IGSF10: variants seen among roughly 807,000 people sequenced by gnomAD.
The protein encoded by IGSF10 is calvaria mechanical force protein 608.
Under a neutral mutation model 128.2 loss-of-function variants are expected in IGSF10, and 126 were observed. That is an observed-to-expected ratio of 0.98 (90% CI 0.85 to 1.14). The LOEUF (loss-of-function observed/expected upper bound fraction) is 1.14, where lower values mean the gene tolerates loss of function less well. Among genes scored for constraint, IGSF10 ranks in the 50% most tolerant of loss-of-function variants. IGSF10 has a pLI of 0.00. For missense variants in IGSF10, 3,295 were observed against 3,149.8 expected, an observed-to-expected ratio of 1.05 and a Z score of -1.10; for synonymous variants, 1,185 against 1,146.2, an observed-to-expected ratio of 1.03 and a Z score of -0.68.
the IGSF10 span, among the ~76,000 whole-genome samples, chr3:151,514,908 C>G: frequency 6.6e-6 from 1 of 152,148 alleles, no homozygotes; most frequent in African/African-American, 2.4e-5. Context: ...CAAATCAAAA[C>G]CACAATGAGA....
chr3:151,537,729 T>A, the IGSF10 span, among the ~76,000 whole-genome samples: 2 of 152,238 alleles, frequency 1.3e-5, no homozygotes, highest in South Asian at 4.1e-4. Flanking sequence ...TTAAAAAAAA[T>A]AATAATCTCT....
chr3:151,440,866 A>G (rs754589296), intron 7 of IGSF10: 1 of 262,240 alleles, frequency 3.8e-6, no homozygotes, highest in African/African-American at 2.2e-5. Flanking sequence ...CATCAGCTGC[A>G]TTAGAATTAC....
At chr3:151,444,554 C>T (rs1489247657) in intron 6 of IGSF10, among the ~76,000 whole-genome samples, 1 of 152,172 alleles carries the variant, frequency 6.6e-6, no homozygotes, top group Non-Finnish European at 1.5e-5. Context: ...AGGTAATCCA[C>T]CCACCTTGGC....
At position 151,447,915 on chromosome 3, in the gene IGSF10, T is replaced by C. The variant is rs1327613051; in HGVS notation, c.2066A>G (p.His689Arg). 1 of 1,614,144 alleles carries C rather than the reference T, an allele frequency of 6.2e-7. No individual in the cohort carries two copies. Among genetic ancestry groups the C allele is most frequent in the South Asian group, 1.1e-5 (1 of 91,074 alleles). ...TTGTGCACCTGGTGGCTCCTTAAGA[T>C]GAGCAATAGGATTGGACTCATCAAG... ...SGLDESNPIAHLKEPPGAQLR... is the reference protein window; with the variant it reads ...SGLDESNPIARLKEPPGAQLR... Residue 689 changes from histidine to arginine, a missense_variant, in exon 6 of 8, where the codon CAT (histidine) becomes CGT (arginine). Coordinates refer to ENST00000282466, the MANE Select transcript of IGSF10 (RefSeq NM_178822.5).
chr3:151,520,864 A>G, the IGSF10 span, among the ~76,000 whole-genome samples: 1 of 151,944 alleles, frequency 6.6e-6, no homozygotes, highest in Non-Finnish European at 1.5e-5. Context: ...ACAGAATCAA[A>G]TCCACACATA....
the IGSF10 span, among the ~76,000 whole-genome samples, chr3:151,549,367 C>A: frequency 2.0e-5 from 3 of 152,168 alleles, no homozygotes; most frequent in Non-Finnish European, 4.4e-5. Context: ...AACCTGTAGC[C>A]TCCAGCAGGA....
At chr3:151,586,516 G>T in the IGSF10 span, among the ~76,000 whole-genome samples, 6 of 152,220 alleles carry the variant, frequency 3.9e-5, no homozygotes, top group Non-Finnish European at 7.4e-5. Flanking sequence ...TATAACCAGA[G>T]AATATGAAGC....
At chr3:151,481,202 A>G in the IGSF10 span, among the ~76,000 whole-genome samples, 1 of 151,948 alleles carries the variant, frequency 6.6e-6, no homozygotes, top group Non-Finnish European at 1.5e-5. Context: ...AGACCCTTGC[A>G]TGAGCCGTGT....
chr3:151,522,306 C>A, the IGSF10 span, among the ~76,000 whole-genome samples: 2 of 152,010 alleles, frequency 1.3e-5, no homozygotes, highest in East Asian at 1.9e-4. Flanking sequence ...TGCTCCAAAA[C>A]AATTAAGGAG....
At chr3:151,479,985 CTTT>C in the IGSF10 span, among the ~76,000 whole-genome samples, 1 of 148,568 alleles carries the variant, frequency 6.7e-6, no homozygotes, top group Non-Finnish European at 1.5e-5. Flanking sequence ...TTTTATCACA[CTTT>C]TTTTTTTATC....
At chr3:151,467,839 G>A in the IGSF10 span, among the ~76,000 whole-genome samples, 3 of 151,028 alleles carry the variant, frequency 2.0e-5, no homozygotes, top group African/African-American at 7.3e-5. Flanking sequence ...AGCCGAGATC[G>A]TGCCACTGCA....
chr3:151,495,366 T>A, the IGSF10 span, among the ~76,000 whole-genome samples: 1 of 152,086 alleles, frequency 6.6e-6, no homozygotes, highest in African/African-American at 2.4e-5. Context: ...GTGTGAAAAC[T>A]AAATGGGGAT....
At chr3:151,545,828 A>G in the IGSF10 span, among the ~76,000 whole-genome samples, 1 of 152,174 alleles carries the variant, frequency 6.6e-6, no homozygotes, top group African/African-American at 2.4e-5. Flanking sequence ...CGTGGTGAAT[A>G]TTTGTTAATT....
the IGSF10 span, among the ~76,000 whole-genome samples, chr3:151,527,026 C>A: frequency 2.7e-4 from 41 of 152,286 alleles, no homozygotes; most frequent in Admixed American, 2.3e-3. Context: ...CTAACCTAAA[C>A]CCTGTACAGA....
chr3:151,558,345 T>C, the IGSF10 span, among the ~76,000 whole-genome samples: 1 of 151,892 alleles, frequency 6.6e-6, no homozygotes, highest in African/African-American at 2.4e-5. Flanking sequence ...CACTCTCGCT[T>C]CAGGTTGGCT....
At chr3:151,547,021 C>T in the IGSF10 span, among the ~76,000 whole-genome samples, 62 of 152,102 alleles carry the variant, frequency 4.1e-4, no homozygotes, top group African/African-American at 1.4e-3. Flanking sequence ...TCCACCCCCC[C>T]CTTGGCCTCC....
the IGSF10 span, among the ~76,000 whole-genome samples, chr3:151,521,559 C>T: frequency 7.2e-5 from 11 of 151,996 alleles, no homozygotes; most frequent in Non-Finnish European, 1.3e-4. Context: ...AAGAAAATCA[C>T]TCAAAACCAC....
chr3:151,486,379 T>A, the IGSF10 span, among the ~76,000 whole-genome samples: 1 of 152,112 alleles, frequency 6.6e-6, no homozygotes, highest in Non-Finnish European at 1.5e-5. Flanking sequence ...TGGGAGACTT[T>A]AACACCCCAC....
rs1720505045 is a variant in IGSF10 at position 151,437,882 on chromosome 3, T to C, written c.6679A>G (p.Lys2227Glu). 6.2e-7 allele frequency: 1 copy of C among 1,614,036 alleles called. No homozygotes were observed. The highest frequency in any genetic ancestry group is 1.3e-5 in the African/African-American group (1 of 74,938). The stretch of plus-strand genomic sequence containing the variant: ...GGAGGTTTAGAGACCACATCCAGTT[T>C]GTACATTTTGGTGTCATCCCCACTG... ...NPSGDDTKMY[K>E]LDVVSKPPLI... Residue 2227 changes from lysine (K) to glutamate (E), a missense_variant, in exon 8 of 8, where the codon AAA becomes GAA. Physicochemically the swap from Lys to Glu is moderately conservative, Grantham distance 56 (BLOSUM62 1). Transcript: ENST00000282466.
Sources: allele counts gnomAD v4.1 joint callset (sites outside exome capture counted in the v4.1 genomes callset), GRCh38; gene constraint gnomAD v4.1.1; transcripts MANE v1.5; gene names NCBI Gene and HGNC (gene_info 2026-07-23, HGNC 2026-07-21).